Variants in DMTF1 observed in about 807,000 individuals in gnomAD.
The protein encoded by DMTF1 is cyclin-D-binding Myb-like transcription factor 1.
DMTF1 carries 39 observed loss-of-function variants against 91.1 expected under a neutral mutation model. The observed-to-expected ratio is 0.43, with a 90% CI of 0.33 to 0.56. The LOEUF is 0.56. Ranked by LOEUF, DMTF1 falls within the 20% of genes least tolerant of loss-of-function variation. DMTF1 has a pLI of 0.05. For synonymous variants in DMTF1, 338 were observed against 309.5 expected, an observed-to-expected ratio of 1.09 and a Z score of -0.97; for missense variants, 750 against 914.5, an observed-to-expected ratio of 0.82 and a Z score of 2.32.
At chr7:87,179,211 C>T (rs1001656200) in intron 7 of DMTF1, among the ~76,000 whole-genome samples, 3 of 151,922 alleles carry the variant, frequency 2.0e-5, no homozygotes, top group African/African-American at 7.2e-5. Flanking sequence ...TTTATCCTTT[C>T]TGTGCTTTGA....
intron 14 of DMTF1, 180 bp from the exon 15 acceptor site, chr7:87,193,018 G>A (rs936483586): frequency 8.2e-6 from 5 of 608,326 alleles, no homozygotes; most frequent in Non-Finnish European, 1.4e-5. Context: ...GGAGCAAAGA[G>A]CAGCCTCTTA....
chr7:87,174,465 A>G, intron 6 of DMTF1, 128 bp from the exon 7 acceptor site: 2 of 627,852 alleles, frequency 3.2e-6, no homozygotes, highest in Admixed American at 3.3e-5. Context: ...TTCAGATTTC[A>G]GAGGAATGAG....
chr7:87,155,593 C>T (rs916677744), intron 1 of DMTF1: 2 of 152,088 alleles, frequency 1.3e-5, no homozygotes, highest in African/African-American at 4.8e-5. Flanking sequence ...ACTTTCATGT[C>T]ATTTCTCCGT....
At chr7:87,193,465 C>A in intron 15 of DMTF1, 112 bp downstream of exon 15, 1 of 1,123,518 alleles carries the variant, frequency 8.9e-7, no homozygotes, top group Non-Finnish European at 1.3e-6. Flanking sequence ...TGCTGCTGTT[C>A]CAGGCACAGT....
intron 1 of DMTF1, among the ~76,000 whole-genome samples, chr7:87,155,995 G>T (rs1013569475): frequency 1.3e-5 from 2 of 151,972 alleles, no homozygotes; most frequent in Non-Finnish European, 2.9e-5. Flanking sequence ...TTTTAGTGCC[G>T]GTGTATATTT....
At chr7:87,175,316 C>T (rs748556624) in intron 7 of DMTF1, among the ~76,000 whole-genome samples, 30 of 151,750 alleles carry the variant, frequency 2.0e-4, no homozygotes, top group Non-Finnish European at 3.8e-4. Flanking sequence ...CCACCGCACC[C>T]GGCTAAGGTA....
chr7:87,169,232 G>A (rs1584284940), intron 4 of DMTF1, among the ~76,000 whole-genome samples: 1 of 152,306 alleles, frequency 6.6e-6, no homozygotes, highest in East Asian at 1.9e-4. Context: ...GCAGAGGCGG[G>A]CAGTTTGCTT....
At chr7:87,172,163 G>T (rs73206958) in intron 5 of DMTF1, among the ~76,000 whole-genome samples, 5,602 of 152,192 alleles carry the variant, frequency 0.037, 126 homozygotes, top group East Asian at 0.064. Context: ...ACTCTTTACT[G>T]ATGTATAACT....
chr7:87,157,882 TG>T (rs1562771784), intron 1 of DMTF1, among the ~76,000 whole-genome samples: 1 of 152,086 alleles, frequency 6.6e-6, no homozygotes, highest in Non-Finnish European at 1.5e-5. Context: ...GTTTTATTTT[TG>T]TCATTGACAA....
chr7:87,173,349 A>G (rs923793579), intron 5 of DMTF1, among the ~76,000 whole-genome samples, 186 bp from the exon 6 acceptor site: 14 of 152,210 alleles, frequency 9.2e-5, no homozygotes, highest in African/African-American at 3.4e-4. Context: ...TAATAAAAAC[A>G]GCAAGAAATA....
At chr7:87,156,350 G>A (rs559927414) in intron 1 of DMTF1, among the ~76,000 whole-genome samples, 2 of 152,206 alleles carry the variant, frequency 1.3e-5, no homozygotes, top group South Asian at 4.1e-4. Flanking sequence ...AATCAACAAA[G>A]CCTGCTAGAA....
chr7:87,166,015 G>C (rs1049381024), intron 3 of DMTF1, among the ~76,000 whole-genome samples: 1 of 152,108 alleles, frequency 6.6e-6, no homozygotes, highest in Non-Finnish European at 1.5e-5. Flanking sequence ...ACATTTAATA[G>C]CATAAAGCTT....
intron 7 of DMTF1, among the ~76,000 whole-genome samples, chr7:87,178,414 A>T (rs539904354): frequency 2.0e-5 from 3 of 151,868 alleles, no homozygotes; most frequent in East Asian, 1.9e-4. Context: ...TGGTTTTTTT[A>T]AAAATCTGAT....
At chr7:87,182,535 A>G (rs1797586644) in intron 10 of DMTF1, among the ~76,000 whole-genome samples, 198 bp downstream of exon 10, 1 of 152,214 alleles carries the variant, frequency 6.6e-6, no homozygotes, top group South Asian at 2.1e-4. Flanking sequence ...ATAAGGTAAC[A>G]TTGTCTTCAG....
intron 14 of DMTF1, chr7:87,192,596 G>A (rs1800113503): frequency 6.6e-6 from 1 of 152,106 alleles, no homozygotes. Flanking sequence ...AGAATATTAA[G>A]ATAAACCTAA....
intron 1 of DMTF1, among the ~76,000 whole-genome samples, chr7:87,157,421 G>T (rs549425461): frequency 6.6e-6 from 1 of 152,206 alleles, no homozygotes; most frequent in East Asian, 1.9e-4. Flanking sequence ...TTTCATACTT[G>T]TATCAGTACT....
At chr7:87,190,881 CTTAAA>C (rs1450287409) in intron 13 of DMTF1, 59 bp from the exon 14 acceptor site, 28 of 1,415,956 alleles carry the variant, frequency 2.0e-5, no homozygotes, top group African/African-American at 7.3e-5. Context: ...ACTAGAGAAA[CTTAAA>C]TTAACAAAAC....
chr7:87,184,208 C>T (rs1415709912), intron 10 of DMTF1, among the ~76,000 whole-genome samples, 189 bp from the exon 11 acceptor site: 2 of 152,146 alleles, frequency 1.3e-5, no homozygotes, highest in Non-Finnish European at 2.9e-5. Context: ...TTCTTTTCTA[C>T]TGAGACCCTT....
chr7:87,179,994 G>A (rs953088294), intron 8 of DMTF1, among the ~76,000 whole-genome samples: 1 of 152,172 alleles, frequency 6.6e-6, no homozygotes, highest in Admixed American at 6.5e-5. Flanking sequence ...AAAGATTTAA[G>A]AAGTGTGAAA....
Sources: gnomAD v4.1 joint callset for allele counts (sites outside exome capture counted in the v4.1 genomes callset) on GRCh38, gnomAD v4.1.1 for gene constraint, MANE v1.5 for transcripts, NCBI Gene and HGNC (gene_info 2026-07-23, HGNC 2026-07-21) for gene names.